The following JPH1 variants were observed in gnomAD, a reference collection of about 807,000 sequenced individuals.
JPH1 encodes the protein junctophilin 1, also known as junctophilin-1.
In JPH1, 12 loss-of-function variants were observed where a neutral mutation model predicts 53.6. That is an observed-to-expected ratio of 0.22 (90% CI 0.14 to 0.36). The LOEUF (loss-of-function observed/expected upper bound fraction) is 0.36, where lower values mean the gene tolerates loss of function less well. Ranked by LOEUF, JPH1 falls within the 10% of genes least tolerant of loss-of-function variation. The pLI is 1.00. For synonymous variants in JPH1, 375 were observed against 363.8 expected (o/e 1.03, Z -0.35); for missense variants, 808 against 905.5 (o/e 0.89, Z 1.38).
intron 3 of JPH1, among the ~76,000 whole-genome samples, chr8:74,249,169 T>C (rs779907179): frequency 3.3e-5 from 5 of 152,150 alleles, no homozygotes; most frequent in Admixed American, 3.3e-4. Context: ...CAGCTAGTTC[T>C]TCAGAGGTGA....
At position 74,261,197 on chromosome 8, in the gene JPH1, T is replaced by C. The variant is rs1233117196; in HGVS notation, c.1140-1694A>G. Among the ~76,000 whole-genome samples, 5 of 152,300 alleles carry C rather than the reference T, an allele frequency of 3.3e-5. No individual in the cohort carries two copies. In the East Asian group the frequency reaches 9.6e-4, roughly 29 times the overall value. ...GACATTACATATTTGTCAAAATCTATAGACTGTACAACACAAACAGTGAAT... is the reference window on the plus strand; with the variant it reads ...GACATTACATATTTGTCAAAATCTACAGACTGTACAACACAAACAGTGAAT... On this transcript the variant is annotated intron_variant, in intron 2 of 5. Coordinates refer to ENST00000342232, the MANE Select transcript of JPH1 (RefSeq NM_020647.4).
chr8:74,316,351 C>T lies in JPH1; in HGVS notation c.380-731G>A, dbSNP rs764636601. On this transcript the variant is annotated intron_variant, in intron 1 of 5. Coordinates refer to ENST00000342232, the MANE Select transcript of JPH1 (RefSeq NM_020647.4). Reference sequence around the variant, plus strand: ...AAGTGAAAAGGCCAAAGCTTTGTGCCGTATCATTTGCCAAATCTCTGCATC... The same window carrying T: ...AAGTGAAAAGGCCAAAGCTTTGTGCTGTATCATTTGCCAAATCTCTGCATC... Among the ~76,000 whole-genome samples, 5 of 152,098 alleles carry T rather than the reference C, an allele frequency of 3.3e-5. No homozygotes were observed. In the East Asian group the frequency reaches 7.7e-4, roughly 23 times the overall value.
intron 3 of JPH1, among the ~76,000 whole-genome samples, chr8:74,252,063 A>C (rs199811088): frequency 6.6e-6 from 1 of 152,170 alleles, no homozygotes; most frequent in Non-Finnish European, 1.5e-5. Flanking sequence ...CAAAAACAAG[A>C]AATGGGGAAA....
At chr8:74,245,828 G>A (rs1235525421) in intron 3 of JPH1, among the ~76,000 whole-genome samples, 4 of 143,902 alleles carry the variant, frequency 2.8e-5, no homozygotes, top group Non-Finnish European at 6.0e-5. Flanking sequence ...CCTCAGGATT[G>A]TTTATAAAAA....
chr8:74,313,401 C>G (rs528925475), intron 2 of JPH1, among the ~76,000 whole-genome samples: 1 of 151,714 alleles, frequency 6.6e-6, no homozygotes, highest in Non-Finnish European at 1.5e-5. Context: ...TTGTGCTGAT[C>G]AACAAAAAAT....
chr8:74,291,469 A>G (rs1195444272), intron 2 of JPH1, among the ~76,000 whole-genome samples: 1 of 152,270 alleles, frequency 6.6e-6, no homozygotes, highest in African/African-American at 2.4e-5. Flanking sequence ...TTAAAAAGTC[A>G]GGAAACAACA....
rs961526143 is a variant in JPH1, at chr8:74,264,624, T to C, written c.1140-5121A>G. Among the ~76,000 whole-genome samples the C allele has an allele frequency of 1.3e-5, 2 of 152,194 alleles. 1 individual carries two copies. Among genetic ancestry groups the C allele is most frequent in the South Asian group, 4.1e-4 (2 of 4,830 alleles). On this transcript the variant is annotated intron_variant, in intron 2 of 5. Transcript: ENST00000342232. The stretch of plus-strand genomic sequence containing the variant: ...CTAAACTTTTGCAGAGGTGTTATGA[T>C]ATAGGCTTTGAAAGTATTAATAGCC...
At chr8:74,267,329 A>C (rs1045345322) in intron 2 of JPH1, among the ~76,000 whole-genome samples, 4 of 152,218 alleles carry the variant, frequency 2.6e-5, no homozygotes, top group African/African-American at 9.6e-5. Context: ...GGAAACAAGA[A>C]GGTAAATGGA....
At chr8:74,242,557 G>T (rs946035361) in intron 4 of JPH1, among the ~76,000 whole-genome samples, 1 of 152,196 alleles carries the variant, frequency 6.6e-6, no homozygotes. Context: ...TCAAAACTAT[G>T]TAGTACTCCA....
At chr8:74,278,566 A>C (rs560491925) in intron 2 of JPH1, among the ~76,000 whole-genome samples, 2 of 152,326 alleles carry the variant, frequency 1.3e-5, no homozygotes, top group South Asian at 4.1e-4. Flanking sequence ...CTGGAAGTTA[A>C]GATTGCCACC....
Position 74,306,843 on chromosome 8 carries a change from C to T in JPH1, c.1139+8018G>A, listed in dbSNP as rs561768094. 5.3e-5 allele frequency among the ~76,000 whole-genome samples: 8 copies of T among 152,200 alleles called. No individual in the cohort carries two copies. The South Asian group carries it at 8.3e-4, about 16-fold the overall frequency. ...AACTCCTGACCTCAAGGGATCCGCC[C>T]GCCTCGGCCTCCCAAAGTGCTGGGA... is the stretch of plus-strand genomic sequence containing the variant. On this transcript the variant is annotated intron_variant, in intron 2 of 5. Transcript: ENST00000342232.
intron 2 of JPH1, among the ~76,000 whole-genome samples, chr8:74,299,879 T>C (rs1051346535): frequency 6.6e-6 from 1 of 152,230 alleles, no homozygotes; most frequent in Non-Finnish European, 1.5e-5. Flanking sequence ...TAAAGAAAAC[T>C]TTTAAACAAT....
intron 2 of JPH1, among the ~76,000 whole-genome samples, chr8:74,268,211 T>C (rs1806591386): frequency 6.6e-6 from 1 of 152,098 alleles, no homozygotes; most frequent in African/African-American, 2.4e-5. Flanking sequence ...TTGAAATAAA[T>C]AGTTGGCAGG....
Position 74,298,441 on chromosome 8 carries a change from C to T in JPH1, c.1139+16420G>A, listed in dbSNP as rs114928053. ...CCCAACTTCTGCTGCTTGCAATCTA[C>T]CTTGAGCACTGTAGCTAAAATCACT... On this transcript the variant is annotated intron_variant, in intron 2 of 5. Transcript: ENST00000342232. 3.8e-3 allele frequency among the ~76,000 whole-genome samples: 577 copies of T among 152,276 alleles called. 3 individuals carry two copies. The highest frequency in any genetic ancestry group is 0.013 in the African/African-American group (553 of 41,558).
chr8:74,281,254 C>T (rs1248681122), intron 2 of JPH1, among the ~76,000 whole-genome samples: 2 of 152,190 alleles, frequency 1.3e-5, no homozygotes, highest in Non-Finnish European at 2.9e-5. Context: ...ACAGATAAAA[C>T]TAATAATCAA....
chr8:74,241,005 G>C (rs1356830231), intron 4 of JPH1, among the ~76,000 whole-genome samples: 1 of 152,112 alleles, frequency 6.6e-6, no homozygotes. Flanking sequence ...CAGATTCAAT[G>C]AATAGTGAAT....
At chr8:74,309,902 A>C (rs189121546) in intron 2 of JPH1, among the ~76,000 whole-genome samples, 80 of 152,282 alleles carry the variant, frequency 5.3e-4, no homozygotes, top group African/African-American at 1.7e-3. Context: ...TGTCTCCTCT[A>C]CCAAAACAGA....
chr8:74,260,722 G>A (rs546807760), intron 2 of JPH1, among the ~76,000 whole-genome samples: 2 of 152,144 alleles, frequency 1.3e-5, no homozygotes, highest in South Asian at 2.1e-4. Context: ...CGGAGGCACC[G>A]GGCCTGGCCT....
intron 2 of JPH1, among the ~76,000 whole-genome samples, chr8:74,306,166 G>A (rs1807828112): frequency 6.6e-6 from 1 of 152,206 alleles, no homozygotes; most frequent in East Asian, 1.9e-4. Context: ...GAGCTGGCCA[G>A]AGGAGTTTCT....
Sources: allele counts gnomAD v4.1 joint callset (sites outside exome capture counted in the v4.1 genomes callset), GRCh38; gene constraint gnomAD v4.1.1; transcripts MANE v1.5; gene names NCBI Gene and HGNC (gene_info 2026-07-23, HGNC 2026-07-21).